The following DDX4 variants were observed in gnomAD, a reference collection of about 807,000 sequenced individuals.
DDX4 encodes the protein DEAD-box helicase 4, also known as probable ATP-dependent RNA helicase DDX4.
Under a neutral mutation model 100.0 loss-of-function variants are expected in DDX4, and 25 were observed. The ratio of observed to expected loss-of-function variants is 0.25; its 90% CI spans 0.18 to 0.35. The LOEUF is 0.35. DDX4 is among the 10% of genes least tolerant of loss of function. The pLI is 1.00. For synonymous variants in DDX4, 259 were observed against 275.7 expected (o/e 0.94, Z 0.60); for missense variants, 635 against 882.4 (o/e 0.72, Z 3.55).
intron 10 of DDX4, among the ~76,000 whole-genome samples, chr5:55,782,607 T>A (rs1330647497): frequency 6.6e-6 from 1 of 151,610 alleles, no homozygotes; most frequent in East Asian, 1.9e-4. Flanking sequence ...GTTTTTTGTT[T>A]GTTAAACAAA....
At chr5:55,766,879 G>T in intron 6 of DDX4, 1 of 1,513,074 alleles carries the variant, frequency 6.6e-7, no homozygotes, top group Non-Finnish European at 8.8e-7. Context: ...TAATAACATA[G>T]AACTTTTACA....
chr5:55,755,837 C>T (rs1266732044), intron 3 of DDX4, among the ~76,000 whole-genome samples: 1 of 152,028 alleles, frequency 6.6e-6, no homozygotes, highest in Non-Finnish European at 1.5e-5. Context: ...CCCTGAAAGC[C>T]AGCACTCAGA....
rs756525934 is a variant in DDX4 at position 55,746,168 on chromosome 5, G to C, written c.74G>C (p.Arg25Thr). ...SSYVPIFEKD[R>T]YSGENGDNFN... The stretch of plus-strand genomic sequence containing the variant: ...TTTCTTTCTTCTTTCTCACAGGATA[G>C]GTATTCTGGAGAAAATGGAGACAAT... The change falls in exon 3 of 22, where the codon AGG (arginine) becomes ACG (threonine). Residue 25 changes from arginine (R) to threonine (T), a missense_variant. Arg to Thr is a moderately conservative substitution (Grantham distance 71, BLOSUM62 -1). Coordinates refer to ENST00000505374, the MANE Select transcript of DDX4 (RefSeq NM_024415.3). The C allele has an allele frequency of 2.5e-6, 4 of 1,610,842 alleles. No individual in the cohort carries two copies. The highest frequency in any genetic ancestry group is 2.5e-6 in the Non-Finnish European group (3 of 1,178,798).
rs144428450 is a variant in DDX4 at position 55,756,785 on chromosome 5, CTTTTGGTTTA to C, written c.128-3407_128-3398del. ...TTTTAAATGGACTTCATTTTTATTT[CTTTTGGTTTA>C]TTTTGGTGGATTTCATAGCATTCAA... On this transcript the variant is annotated intron_variant, in intron 3 of 21. Transcript: ENST00000505374. Among the ~76,000 whole-genome samples, 532 of 151,956 alleles carry C rather than the reference CTTTTGGTTTA, an allele frequency of 3.5e-3. 7 individuals carry two copies. Among genetic ancestry groups the C allele is most frequent in the African/African-American group, 0.012 (517 of 41,484 alleles).
intron 7 of DDX4, among the ~76,000 whole-genome samples, chr5:55,771,232 A>G (rs967299659): frequency 3.3e-5 from 5 of 152,204 alleles, no homozygotes; most frequent in African/African-American, 1.2e-4. Context: ...TGTGTTCACC[A>G]GCATTCAGGT....
At chr5:55,806,275 C>T (rs1743708252) in intron 18 of DDX4, among the ~76,000 whole-genome samples, 1 of 152,138 alleles carries the variant, frequency 6.6e-6, no homozygotes. Flanking sequence ...AAAAAACCAG[C>T]TCCTGGATTC....
intron 12 of DDX4, 65 bp from the exon 13 acceptor site, chr5:55,785,663 CT>C (rs1742197390): frequency 6.9e-7 from 1 of 1,445,722 alleles, no homozygotes; most frequent in African/African-American, 1.4e-5. Flanking sequence ...CAATTTTTGT[CT>C]ATTTTCTCTT....
At chr5:55,765,754 A>C (rs1740877385) in intron 6 of DDX4, among the ~76,000 whole-genome samples, 1 of 152,078 alleles carries the variant, frequency 6.6e-6, no homozygotes, top group Non-Finnish European at 1.5e-5. Flanking sequence ...TTTAGACTAA[A>C]GTTAATACAT....
At chr5:55,806,637 G>C (rs1262857090) in intron 18 of DDX4, among the ~76,000 whole-genome samples, 1 of 152,208 alleles carries the variant, frequency 6.6e-6, no homozygotes, top group Non-Finnish European at 1.5e-5. Flanking sequence ...GAGTGGTTTT[G>C]AGTGAGTTTC....
Position 55,816,703 on chromosome 5 carries a change from G to C in DDX4, c.*163G>C. 1.6e-6 allele frequency: 2 copies of C among 1,250,394 alleles called. 1 individual carries two copies. Among genetic ancestry groups the C allele is most frequent in the Middle Eastern group, 5.5e-4 (2 of 3,630 alleles). The allele number at this position is 1,250,394 out of a possible 1,614,324, so 77.5% of individuals were successfully genotyped here. The stretch of plus-strand genomic sequence containing the variant: ...AAATCCTTACTGACTAGTTATGTGA[G>C]ATGCTAAAACTTACAACATTGCAGT... On this transcript the variant is annotated 3_prime_UTR_variant, in exon 22 of 22. Coordinates refer to ENST00000505374, the MANE Select transcript of DDX4 (RefSeq NM_024415.3).
At chr5:55,800,945 A>G (rs986652455) in intron 18 of DDX4, among the ~76,000 whole-genome samples, 2 of 152,052 alleles carry the variant, frequency 1.3e-5, no homozygotes, top group Admixed American at 1.3e-4. Context: ...TTAAATATAT[A>G]AGTTTATTTC....
At chr5:55,757,464 T>C (rs1035095411) in intron 3 of DDX4, among the ~76,000 whole-genome samples, 1 of 152,204 alleles carries the variant, frequency 6.6e-6, no homozygotes, top group Admixed American at 6.5e-5. Flanking sequence ...TCTGGCTGAA[T>C]AGTATTCCAT....
At chr5:55,780,185 C>T in intron 8 of DDX4, 120 bp downstream of exon 8, 6 of 1,396,970 alleles carry the variant, frequency 4.3e-6, no homozygotes, top group Non-Finnish European at 5.7e-6. Flanking sequence ...AGCTCAGTGA[C>T]TAATACACAT....
chr5:55,751,189 T>C (rs1255854438), intron 3 of DDX4, among the ~76,000 whole-genome samples: 1 of 152,224 alleles, frequency 6.6e-6, no homozygotes, highest in Non-Finnish European at 1.5e-5. Context: ...ATTTTTAATT[T>C]TAATTAATTT....
intron 21 of DDX4, 29 bp from the exon 22 acceptor site, chr5:55,816,430 GTTTC>G (rs925609917): frequency 2.2e-5 from 33 of 1,488,274 alleles, no homozygotes; most frequent in Non-Finnish European, 2.8e-5. Context: ...ATGTTTGTTT[GTTTC>G]TTTTTTTTTT....
intron 7 of DDX4, 95 bp from the exon 8 acceptor site, chr5:55,779,869 C>G (rs1741801086): frequency 1.4e-6 from 2 of 1,479,838 alleles, no homozygotes; most frequent in Non-Finnish European, 1.8e-6. Context: ...TTTAAAGTTA[C>G]TGAATTATTC....
intron 1 of DDX4, 152 bp downstream of exon 1, chr5:55,738,253 G>A (rs1180618681): frequency 2.0e-5 from 3 of 152,366 alleles, no homozygotes; most frequent in Non-Finnish European, 4.4e-5. Flanking sequence ...AGTCCCACGG[G>A]TGCCCAAAGT....
intron 7 of DDX4, among the ~76,000 whole-genome samples, chr5:55,770,572 A>G (rs1408231793): frequency 6.6e-6 from 1 of 152,214 alleles, no homozygotes; most frequent in South Asian, 2.1e-4. Context: ...AAGAGGTTTT[A>G]TTGTTTGGAA....
At chr5:55,763,512 T>C (rs147656443) in intron 5 of DDX4, among the ~76,000 whole-genome samples, 6 of 152,222 alleles carry the variant, frequency 3.9e-5, no homozygotes, top group Non-Finnish European at 8.8e-5. Context: ...CTCTTAGACA[T>C]AGGTTTTTAG....
Sources: gnomAD v4.1 joint callset for allele counts (sites outside exome capture counted in the v4.1 genomes callset) on GRCh38, gnomAD v4.1.1 for gene constraint, MANE v1.5 for transcripts, NCBI Gene and HGNC (gene_info 2026-07-23, HGNC 2026-07-21) for gene names.